FMNL2: variants seen among roughly 807,000 people sequenced by gnomAD.
The protein encoded by FMNL2 is formin-like protein 2.
In FMNL2, 51 loss-of-function variants were observed where a neutral mutation model predicts 130.2. The observed-to-expected ratio is 0.39, with a 90% CI of 0.31 to 0.49. FMNL2 has a LOEUF of 0.49. Ranked by LOEUF, FMNL2 falls within the 20% of genes least tolerant of loss-of-function variation. The probability of loss-of-function intolerance (pLI) is 0.85; values close to 1 mark genes in which losing one functional copy is unlikely to be tolerated. For synonymous variants in FMNL2, 465 were observed against 467.1 expected (o/e 1.00, Z 0.06); for missense variants, 977 against 1,316.2 (o/e 0.74, Z 3.99).
intron 1 of FMNL2, among the ~76,000 whole-genome samples, chr2:152,424,239 C>T (rs1288399160): frequency 2.6e-5 from 4 of 152,108 alleles, no homozygotes; most frequent in African/African-American, 9.7e-5. Flanking sequence ...CATGAAGGAA[C>T]CCGGGCTGGG....
intron 1 of FMNL2, among the ~76,000 whole-genome samples, chr2:152,355,176 C>T (rs1329981111): frequency 2.0e-5 from 3 of 152,008 alleles, no homozygotes; most frequent in African/African-American, 7.2e-5. Flanking sequence ...GTATTTTTGG[C>T]GGGGTGCTAG....
chr2:152,462,417 C>T (rs577261853), intron 1 of FMNL2, among the ~76,000 whole-genome samples: 1 of 152,258 alleles, frequency 6.6e-6, no homozygotes, highest in East Asian at 1.9e-4. Flanking sequence ...AAAAAAACCT[C>T]TGATTGTCTG....
chr2:152,433,175 C>T (rs1313129293), intron 1 of FMNL2, among the ~76,000 whole-genome samples: 2 of 152,030 alleles, frequency 1.3e-5, no homozygotes, highest in Non-Finnish European at 2.9e-5. Context: ...GACAGGAGGC[C>T]CTGGAACTAA....
intron 8 of FMNL2, among the ~76,000 whole-genome samples, chr2:152,579,292 A>T (rs1696644423): frequency 6.6e-6 from 1 of 152,192 alleles, no homozygotes; most frequent in Admixed American, 6.5e-5. Flanking sequence ...GTCTTGATAA[A>T]GATTTACGTA....
intron 4 of FMNL2, among the ~76,000 whole-genome samples, chr2:152,553,043 G>C (rs1455170811): frequency 6.6e-6 from 1 of 152,134 alleles, no homozygotes. Flanking sequence ...ATGGCAGAAG[G>C]AATGTGGCAA....
At chr2:152,581,705 G>A (rs1178922915) in intron 9 of FMNL2, among the ~76,000 whole-genome samples, 1 of 152,216 alleles carries the variant, frequency 6.6e-6, no homozygotes, top group African/African-American at 2.4e-5. Context: ...AGTGGGCAGT[G>A]TTGTAGGACC....
intron 7 of FMNL2, among the ~76,000 whole-genome samples, chr2:152,576,283 A>C (rs1032507438): frequency 6.6e-6 from 1 of 152,184 alleles, no homozygotes; most frequent in Non-Finnish European, 1.5e-5. Context: ...CCCCTGTTCC[A>C]CATAGGCAAC....
At chr2:152,643,530 T>A (rs1019983162) in intron 25 of FMNL2, 13 of 1,535,982 alleles carry the variant, frequency 8.5e-6, no homozygotes, top group Non-Finnish European at 1.1e-5. Context: ...CTTTCTCACC[T>A]GATGCTCTTA....
intron 10 of FMNL2, among the ~76,000 whole-genome samples, chr2:152,608,829 G>A (rs1457914269): frequency 6.6e-6 from 1 of 152,124 alleles, no homozygotes; most frequent in East Asian, 1.9e-4. Flanking sequence ...ACAGGCTTAT[G>A]AGTTCAGTCT....
chr2:152,424,610 C>T (rs1426618812), intron 1 of FMNL2, among the ~76,000 whole-genome samples: 2 of 151,980 alleles, frequency 1.3e-5, no homozygotes, highest in Admixed American at 6.6e-5. Context: ...AGGCTGGTCT[C>T]GAACTCCTGA....
chr2:152,359,481 CTT>C (rs10694393), intron 1 of FMNL2, among the ~76,000 whole-genome samples: 2 of 73,070 alleles, frequency 2.7e-5, no homozygotes, highest in African/African-American at 3.3e-5. Flanking sequence ...AAGAGGTAGC[CTT>C]TTTTTTTTTT....
chr2:152,581,836 G>C (rs772635896), intron 9 of FMNL2, among the ~76,000 whole-genome samples: 1 of 152,146 alleles, frequency 6.6e-6, no homozygotes, highest in South Asian at 2.1e-4. Context: ...AGGACCCTTC[G>C]CCAAGTTGTG....
intron 1 of FMNL2, among the ~76,000 whole-genome samples, chr2:152,441,474 T>C (rs759810362): frequency 6.6e-6 from 1 of 152,108 alleles, no homozygotes; most frequent in Non-Finnish European, 1.5e-5. Context: ...AGTTTGAGGC[T>C]GCAGTAGGCT....
chr2:152,412,446 TTATATATA>T lies in FMNL2; in HGVS notation c.117+76775_117+76782del, dbSNP rs56681937. Among the ~76,000 whole-genome samples the T allele has an allele frequency of 1.4e-3, 145 of 103,102 alleles. 2 individuals are homozygous for T. The highest frequency in any genetic ancestry group is 4.9e-3 in the Middle Eastern group (1 of 204). The allele number at this position is 103,102 out of a possible 152,430, so 67.6% of individuals were successfully genotyped here. A position where few individuals can be genotyped will look rare whatever the true frequency, so the allele number is the denominator to read the frequency against. ...TTCCTCTTACTTTCTTCTGTATATT[TTATATATA>T]TATATATATATATATATATATATAT... On this transcript the variant is annotated intron_variant, in intron 1 of 25. Coordinates refer to ENST00000288670, the MANE Select transcript of FMNL2 (RefSeq NM_052905.4).
chr2:152,432,883 G>T (rs750249548), intron 1 of FMNL2, among the ~76,000 whole-genome samples: 4 of 152,172 alleles, frequency 2.6e-5, no homozygotes, highest in Non-Finnish European at 5.9e-5. Flanking sequence ...GATAATACAG[G>T]AGAAGCTCCA....
rs1417185559 is a variant in FMNL2, at chr2:152,335,451, C to T, written c.-153C>T. 1 of 402,220 alleles carries T rather than the reference C, an allele frequency of 2.5e-6. No homozygotes were observed. Among genetic ancestry groups the T allele is most frequent in the Non-Finnish European group, 4.2e-6 (1 of 236,622 alleles). The allele number at this position is 402,220 out of a possible 1,614,324, so 24.9% of individuals were successfully genotyped here. A position where few individuals can be genotyped will look rare whatever the true frequency, so the allele number is the denominator to read the frequency against. On this transcript the variant is annotated 5_prime_UTR_variant, in exon 1 of 26. Coordinates refer to ENST00000288670, the MANE Select transcript of FMNL2 (RefSeq NM_052905.4). ...CTCGGCTTGGAGCGCTGCTAGGGAGCGGTGCGCGCCGCACACCCGCCTGGG... is the reference window on the plus strand; with the variant it reads ...CTCGGCTTGGAGCGCTGCTAGGGAGTGGTGCGCGCCGCACACCCGCCTGGG...
At position 152,375,877 on chromosome 2, in the gene FMNL2, C is replaced by CTCTCTCTATATATA. The variant is rs796954245; in HGVS notation, c.117+40158_117+40159insCTCTCTATATATAT. 2.4e-3 allele frequency among the ~76,000 whole-genome samples: 275 copies of CTCTCTCTATATATA among 112,432 alleles called. 2 individuals are homozygous for CTCTCTCTATATATA. The highest frequency in any genetic ancestry group is 0.021 in the Admixed American group (202 of 9,756). The allele number at this position is 112,432 out of a possible 152,430, so 73.8% of individuals were successfully genotyped here. On this transcript the variant is annotated intron_variant, in intron 1 of 25. Transcript: ENST00000288670. ...TCTCTCTCTCTCTCTCTCTCTCTCT[C>CTCTCTCTATATATA]TATATATATATATATATATAATTAT...
In FMNL2 at chr2:152,528,098, C is replaced by T. The variant is rs186579554; in HGVS notation, c.201+6072C>T. Among the ~76,000 whole-genome samples the T allele has an allele frequency of 9.9e-5, 15 of 152,200 alleles. No individual in the cohort carries two copies. In the East Asian group the frequency reaches 2.1e-3, roughly 22 times the overall value. ...TGATTTTATAGTTACCTTTCTTTTA[C>T]AATGAAATGTTTGATTCCTAACAGT... is the stretch of plus-strand genomic sequence containing the variant. On this transcript the variant is annotated intron_variant, in intron 2 of 25. Transcript: ENST00000288670.
chr2:152,475,947 T>C (rs1290521596), intron 1 of FMNL2, among the ~76,000 whole-genome samples: 1 of 152,230 alleles, frequency 6.6e-6, no homozygotes, highest in East Asian at 1.9e-4. Flanking sequence ...TGATTGTCAG[T>C]TTAAAAATAG....
Sources: gnomAD v4.1 joint callset for allele counts (sites outside exome capture counted in the v4.1 genomes callset) on GRCh38, gnomAD v4.1.1 for gene constraint, MANE v1.5 for transcripts, NCBI Gene and HGNC (gene_info 2026-07-23, HGNC 2026-07-21) for gene names.